Variants in UBXN8 observed in about 807,000 individuals in gnomAD.
UBXN8 encodes UBX domain protein 8.
A neutral mutation model predicts 32.1 loss-of-function variants in UBXN8; 27 were observed. The ratio of observed to expected loss-of-function variants is 0.84; its 90% CI spans 0.62 to 1.16. The LOEUF is 1.16. Ranked by LOEUF, UBXN8 falls within the 50% of genes most tolerant of loss-of-function variation. The pLI is 0.00. For missense variants in UBXN8, 306 were observed against 311.4 expected (o/e 0.98, Z 0.13); for synonymous variants, 109 against 111.8 (o/e 0.98, Z 0.16).
intron 5 of UBXN8, among the ~76,000 whole-genome samples, chr8:30,759,523 C>T (rs1805768084): frequency 6.6e-6 from 1 of 151,788 alleles, no homozygotes; most frequent in African/African-American, 2.4e-5. Context: ...GCGTGAGACA[C>T]CACACCCAGC....
At position 30,763,279 on chromosome 8, in the gene UBXN8, A is replaced by G. The variant is rs1805907152; in HGVS notation, c.577A>G (p.Thr193Ala). 1 of 1,613,702 alleles carries G rather than the reference A, an allele frequency of 6.2e-7. No homozygotes were observed. The highest frequency in any genetic ancestry group is 1.3e-5 in the African/African-American group (1 of 74,926). Residue 193 changes from threonine to alanine, a missense_variant, in exon 7 of 8, where the codon ACT becomes GCT. Thr to Ala is a moderately conservative substitution (Grantham distance 58, BLOSUM62 0). Transcript: ENST00000265616. ...GTGAATATTTCTTCCTTAGGTAGTTACTGTTGCTCTCCGATGTCCCAGTGG... is the reference window on the plus strand; with the variant it reads ...GTGAATATTTCTTCCTTAGGTAGTTGCTGTTGCTCTCCGATGTCCCAGTGG... ...EPSQTAEEVV[T>A]VALRCPSGNV... is the part of the protein sequence containing the mutation.
chr8:30,763,042 A>G, intron 6 of UBXN8: 1 of 502,962 alleles, frequency 2.0e-6, no homozygotes, highest in Non-Finnish European at 3.6e-6. Context: ...TAATTTTTCT[A>G]TTTTTTATGG....
Position 30,756,842 on chromosome 8 carries a change from T to G in UBXN8, c.483T>G (p.Pro161=). Residue 161 remains proline, a synonymous_variant, in exon 5 of 8, where the codon CCT becomes CCG. Transcript: ENST00000265616. ...CAAAGAGCCAGAACTTGCCTAAACC[T>G]TTAACTGAATTTCCGTCTCCTGCTG... ...EAAKSQNLPK[P]LTEFPSPAEQ... 2 of 1,613,998 alleles carry G rather than the reference T, an allele frequency of 1.2e-6. No homozygotes were observed. Among genetic ancestry groups the G allele is most frequent in the South Asian group, 2.2e-5 (2 of 91,082 alleles).
At chr8:30,752,236 C>T (rs1373231761) in intron 2 of UBXN8, among the ~76,000 whole-genome samples, 1 of 152,148 alleles carries the variant, frequency 6.6e-6, no homozygotes, top group Non-Finnish European at 1.5e-5. Flanking sequence ...TGTTTTATTC[C>T]ATTCTAGCAG....
upstream of UBXN8, among the ~76,000 whole-genome samples, chr8:30,740,526 G>A (rs554962891): frequency 6.0e-4 from 68 of 114,128 alleles, no homozygotes; most frequent in Non-Finnish European, 9.8e-4. Context: ...AATATAGTAA[G>A]ACCCCATCTC....
Position 30,756,884 on chromosome 8 carries a change from G to C in UBXN8, c.525G>C (p.Lys175Asn). The change falls in exon 5 of 8, where the codon AAG (lysine) becomes AAC (asparagine). Residue 175 changes from lysine to asparagine, a missense_variant. By Grantham distance (94) the Lys-to-Asn change is moderately conservative. Transcript: ENST00000265616. ...CTCCTGCTGAACAGCCCACATGCAA[G>C]GAGGTAAAGTACTTCATGCCTCTCA... is the stretch of plus-strand genomic sequence containing the variant. ...FPSPAEQPTC[K>N]EIPDLPEEPS... The C allele has an allele frequency of 6.2e-7, 1 of 1,613,942 alleles. No individual in the cohort carries two copies.
chr8:30,741,605 C>T (rs1805202423), upstream of UBXN8, among the ~76,000 whole-genome samples: 1 of 151,954 alleles, frequency 6.6e-6, no homozygotes, highest in African/African-American at 2.4e-5. Context: ...GTGTGAGCCA[C>T]CATGCCAGGC....
At chr8:30,741,730 G>T (rs1385966173), upstream of UBXN8, among the ~76,000 whole-genome samples, 1 of 152,090 alleles carries the variant, frequency 6.6e-6, no homozygotes, top group South Asian at 2.1e-4. Flanking sequence ...GATTACAGGC[G>T]TGAGTCACCG....
At chr8:30,762,278 G>A (rs1272452125) in intron 6 of UBXN8, among the ~76,000 whole-genome samples, 1 of 152,070 alleles carries the variant, frequency 6.6e-6, no homozygotes, top group Non-Finnish European at 1.5e-5. Context: ...GGGTCTCAGT[G>A]TTTTGCTCAG....
chr8:30,743,608 G>A (rs1420518689), upstream of UBXN8, among the ~76,000 whole-genome samples: 1 of 152,212 alleles, frequency 6.6e-6, no homozygotes, highest in South Asian at 2.1e-4. Context: ...CTGAAAAGGG[G>A]CGGAACAAGG....
intron 1 of UBXN8, among the ~76,000 whole-genome samples, chr8:30,738,621 A>G (rs943092778): frequency 7.7e-5 from 11 of 143,074 alleles, no homozygotes; most frequent in Middle Eastern, 3.6e-3. Context: ...AGATCGTGCC[A>G]CTGCACTCCA....
upstream of UBXN8, among the ~76,000 whole-genome samples, chr8:30,743,670 TATTTGG>T (rs1300015907): frequency 6.6e-6 from 1 of 152,040 alleles, no homozygotes; most frequent in African/African-American, 2.4e-5. Context: ...AGGGGGCAGG[TATTTGG>T]AGCCAGGCCC....
intron 5 of UBXN8, among the ~76,000 whole-genome samples, chr8:30,759,466 C>G (rs1287964302): frequency 6.6e-6 from 1 of 151,090 alleles, no homozygotes; most frequent in African/African-American, 2.4e-5. Flanking sequence ...AACTCCTGAC[C>G]TCAGGTGATC....
At chr8:30,758,901 T>TTG (rs1805747510) in intron 5 of UBXN8, among the ~76,000 whole-genome samples, 4 of 130,158 alleles carry the variant, frequency 3.1e-5, no homozygotes, top group African/African-American at 1.2e-4. Flanking sequence ...TTTGTTTTTT[T>TTG]TTTTTTTTTT....
chr8:30,756,702 T>C, intron 4 of UBXN8, 63 bp from the exon 5 acceptor site: 3 of 1,595,860 alleles, frequency 1.9e-6, no homozygotes, highest in Non-Finnish European at 8.5e-7. Context: ...GGAAAAACAA[T>C]TGTGAATAGA....
intron 3 of UBXN8, chr8:30,754,328 G>T: frequency 4.9e-6 from 2 of 411,668 alleles, no homozygotes; most frequent in South Asian, 1.9e-5. Flanking sequence ...TCCCATTTGT[G>T]ACAAATCCTT....
chr8:30,749,102 A>G (rs1267364364), intron 1 of UBXN8, among the ~76,000 whole-genome samples: 1 of 151,934 alleles, frequency 6.6e-6, no homozygotes, highest in Non-Finnish European at 1.5e-5. Flanking sequence ...TTAATATAAC[A>G]CCAAATACTG....
intron 1 of UBXN8, chr8:30,744,551 G>A (rs1382971825): frequency 1.9e-6 from 1 of 514,718 alleles, no homozygotes; most frequent in Non-Finnish European, 3.4e-6. Context: ...CACTGAAAAG[G>A]AAATAAACAG....
At chr8:30,765,065 A>C (rs1805962622) in intron 7 of UBXN8, among the ~76,000 whole-genome samples, 2 of 152,082 alleles carry the variant, frequency 1.3e-5, no homozygotes, top group African/African-American at 2.4e-5. Flanking sequence ...AAAACAAAAC[A>C]AAACCTTTAA....
Sources: allele counts gnomAD v4.1 joint callset (sites outside exome capture counted in the v4.1 genomes callset), GRCh38; gene constraint gnomAD v4.1.1; transcripts MANE v1.5; gene names NCBI Gene and HGNC (gene_info 2026-07-23, HGNC 2026-07-21).